Variants in RAD54L observed in about 807,000 individuals in gnomAD.
RAD54L encodes RAD54 like.
A neutral mutation model predicts 91.6 loss-of-function variants in RAD54L; 74 were observed. That is an observed-to-expected ratio of 0.81 (90% CI 0.67 to 0.98). The LOEUF (loss-of-function observed/expected upper bound fraction) is 0.98. Among genes scored for constraint, RAD54L ranks in the 50% least tolerant of loss-of-function variants. The pLI is 0.00. For synonymous variants in RAD54L, 304 were observed against 349.7 expected (o/e 0.87, Z 1.46); for missense variants, 887 against 945.7 (o/e 0.94, Z 0.81).
rs567430422 is a variant in RAD54L at position 46,264,504 on chromosome 1, C to G, written c.892-2955C>G. Among the ~76,000 whole-genome samples, 7 of 152,348 alleles carry G rather than the reference C, an allele frequency of 4.6e-5. No homozygotes were observed. In the South Asian group the frequency reaches 1.2e-3, roughly 27 times the overall value. The stretch of plus-strand genomic sequence containing the variant: ...CTGGCTTTGCCACTTACAAGCGTGA[C>G]TTTCCACAGATGAGACTGCTCTGAG... On this transcript the variant is annotated intron_variant, in intron 8 of 17. Transcript: ENST00000371975.
Position 46,248,293 on chromosome 1 carries a change from A to G in RAD54L, c.-113A>G. 2 of 1,358,976 alleles carry G rather than the reference A, an allele frequency of 1.5e-6. No individual in the cohort carries two copies. The highest frequency in any genetic ancestry group is 2.4e-5 in the South Asian group (2 of 82,244). 84.2% of individuals were successfully genotyped at this position (1,358,976 alleles called of 1,614,324 possible). On this transcript the variant is annotated 5_prime_UTR_variant, in exon 1 of 18. Transcript: ENST00000371975. ...CCCTCTTTAATTAGCCGGTCCTCTCAATAATGTAGCAGCCCCCTCTACAGA... is the reference window on the plus strand; with the variant it reads ...CCCTCTTTAATTAGCCGGTCCTCTCGATAATGTAGCAGCCCCCTCTACAGA...
At chr1:46,260,635 G>A (rs1483773320) in intron 6 of RAD54L, 24 bp downstream of exon 6, 2 of 1,613,968 alleles carry the variant, frequency 1.2e-6, no homozygotes, top group Non-Finnish European at 1.7e-6. Context: ...AGGGGAACGA[G>A]GTATGGGCTA....
Position 46,250,119 on chromosome 1 carries a change from T to G in RAD54L, c.210T>G (p.His70Gln). ...CACCTTGTCTGGACAGCAGTCAGCA[T>G]GTAAGCCAGAACTGCAACCTGCATG... ...NQPPCLDSSQ[H>Q]EAFIRSILSK... Residue 70 changes from histidine to glutamine, a missense_variant and splice_region_variant, in exon 3 of 18, where the codon CAT becomes CAG. Coordinates refer to ENST00000371975, the MANE Select transcript of RAD54L (RefSeq NM_003579.4). 1 of 1,614,162 alleles carries G rather than the reference T, an allele frequency of 6.2e-7. No homozygotes were observed. The highest frequency in any genetic ancestry group is 2.2e-5 in the East Asian group (1 of 44,886).
chr1:46,260,498 T>C, intron 5 of RAD54L, 44 bp from the exon 6 acceptor site: 1 of 1,584,682 alleles, frequency 6.3e-7, no homozygotes, highest in Non-Finnish European at 8.7e-7. Context: ...GGTGCTCCCT[T>C]GCCCATGTCT....
At position 46,267,461 on chromosome 1, in the gene RAD54L, A is replaced by T. The variant is rs60121285; in HGVS notation, c.894A>T (p.Gly298=). 6.2e-7 allele frequency: 1 copy of T among 1,614,006 alleles called. No individual in the cohort carries two copies. The highest frequency in any genetic ancestry group is 1.7e-5 in the Admixed American group (1 of 60,018). ...GSVGLVICDE[G]HRLKNSENQT... is the part of the protein sequence containing the mutation. ...TCTGAATAAGGATTCTCTTGCAGGG[A>T]CACAGGCTCAAGAACTCTGAGAATC... Residue 298 remains glycine (G), a splice_region_variant and synonymous_variant, in exon 9 of 18, where the codon GGA becomes GGT. Transcript: ENST00000371975.
chr1:46,261,080 C>G, intron 7 of RAD54L, 65 bp downstream of exon 7: 2 of 1,581,222 alleles, frequency 1.3e-6, no homozygotes, highest in Non-Finnish European at 1.7e-6. Context: ...TACGTGTATG[C>G]TCATTTATGG....
chr1:46,273,228 T>C lies in RAD54L; in HGVS notation c.1376-127T>C, dbSNP rs57235868. ...TATATCCTGTTGGAATTTGGTAGGA[T>C]GAAGATCAAGCAAGTCTGATGTTGA... On this transcript the variant is annotated intron_variant, in intron 12 of 17. Transcript: ENST00000371975. The C allele has an allele frequency of 4.2e-3, 3,526 of 837,870 alleles. 50 individuals carry two copies. The highest frequency in any genetic ancestry group is 0.024 in the African/African-American group (1,445 of 60,370). The allele number at this position is 837,870 out of a possible 1,614,324, so 51.9% of individuals were successfully genotyped here. A position where few individuals can be genotyped will look rare whatever the true frequency, so the allele number is the denominator to read the frequency against.
At chr1:46,262,453 C>T (rs1479827088) in intron 8 of RAD54L, among the ~76,000 whole-genome samples, 1 of 152,028 alleles carries the variant, frequency 6.6e-6, no homozygotes, top group East Asian at 1.9e-4. Flanking sequence ...CACAGACACA[C>T]ATGACCCTTT....
chr1:46,274,092 CT>C (rs1320540608), intron 14 of RAD54L, 45 bp from the exon 15 acceptor site: 7 of 1,541,430 alleles, frequency 4.5e-6, no homozygotes, highest in South Asian at 3.4e-5. Context: ...TTTTTTCCCC[CT>C]AATCATTGAA....
intron 12 of RAD54L, among the ~76,000 whole-genome samples, chr1:46,273,043 G>A (rs542998079): frequency 6.6e-6 from 1 of 152,162 alleles, no homozygotes; most frequent in African/African-American, 2.4e-5. Flanking sequence ...GGGATGTGTC[G>A]ACTGTTTGTG....
intron 3 of RAD54L, among the ~76,000 whole-genome samples, chr1:46,254,580 T>C (rs1659889444): frequency 6.7e-6 from 1 of 149,810 alleles, no homozygotes; most frequent in Non-Finnish European, 1.5e-5. Context: ...TGGGGAGCAC[T>C]GACTTTTTTT....
Position 46,270,712 on chromosome 1 carries a change from G to A in RAD54L, c.1096G>A (p.Asp366Asn). The change falls in exon 10 of 18, where the codon GAC (aspartate) becomes AAC (asparagine). Residue 366 changes from aspartate to asparagine, a missense_variant. Coordinates refer to ENST00000371975, the MANE Select transcript of RAD54L (RefSeq NM_003579.4). ...HFELPILKGR[D>N]AAASEADRQL... Reference sequence around the variant, plus strand: ...TGAATTGCCAATTTTGAAGGGTCGAGACGCTGCTGCTAGTGAGGCAGACAG... The same window carrying A: ...TGAATTGCCAATTTTGAAGGGTCGAAACGCTGCTGCTAGTGAGGCAGACAG... 6.2e-7 allele frequency: 1 copy of A among 1,614,236 alleles called. No homozygotes were observed. Among genetic ancestry groups the A allele is most frequent in the African/African-American group, 1.3e-5 (1 of 75,064 alleles).
chr1:46,267,015 C>G (rs948598944), intron 8 of RAD54L, among the ~76,000 whole-genome samples: 1 of 152,150 alleles, frequency 6.6e-6, no homozygotes, highest in Non-Finnish European at 1.5e-5. Flanking sequence ...GGCCCTAGAA[C>G]CTGTAATGTT....
chr1:46,259,844 T>G (rs1569578617), intron 4 of RAD54L, 120 bp from the exon 5 acceptor site: 2 of 1,340,408 alleles, frequency 1.5e-6, no homozygotes, highest in East Asian at 4.6e-5. Flanking sequence ...GGAGGCATTC[T>G]CAGAGAGAGA....
intron 9 of RAD54L, among the ~76,000 whole-genome samples, chr1:46,269,539 C>G (rs1315762453): frequency 6.6e-6 from 1 of 152,108 alleles, no homozygotes; most frequent in Middle Eastern, 3.4e-3. Context: ...AACTCTTGAG[C>G]TCAAGCAATC....
intron 4 of RAD54L, 93 bp from the exon 5 acceptor site, chr1:46,259,871 C>T (rs185689997): frequency 2.0e-5 from 31 of 1,555,752 alleles, no homozygotes; most frequent in African/African-American, 9.5e-5. Context: ...TATGGGAGCT[C>T]GGGAAAGGTT....
chr1:46,256,303 T>C lies in RAD54L; in HGVS notation c.211-2383T>C, dbSNP rs181545802. Among the ~76,000 whole-genome samples the C allele has an allele frequency of 6.7e-4, 102 of 152,204 alleles. 1 individual carries two copies. Among genetic ancestry groups the C allele is most frequent in the Non-Finnish European group, 1.1e-3 (73 of 67,998 alleles). On this transcript the variant is annotated intron_variant, in intron 3 of 17. Coordinates refer to ENST00000371975, the MANE Select transcript of RAD54L (RefSeq NM_003579.4). ...TACGTTGCCTAGGGTGGTCTCAAAA[T>C]CCTGGGCTTAAGCGGTCCTCCCACC...
intron 3 of RAD54L, among the ~76,000 whole-genome samples, 164 bp from the exon 4 acceptor site, chr1:46,258,522 T>C (rs1471071834): frequency 6.6e-6 from 1 of 152,196 alleles, no homozygotes; most frequent in Non-Finnish European, 1.5e-5. Context: ...AGCCTCGTGG[T>C]TGACTGAGGC....
Position 46,267,522 on chromosome 1 carries a change from C to T in RAD54L, c.955C>T (p.Arg319Trp), listed in dbSNP as rs142375065. Residue 319 changes from arginine to tryptophan, a missense_variant, in exon 9 of 18, where the codon CGG (arginine) becomes TGG (tryptophan). Physicochemically the swap from Arg to Trp is moderately radical, Grantham distance 101. Transcript: ENST00000371975. ...YQALDSLNTS[R>W]RVLISGTPIQ... ...AGCCCTGGACAGCTTGAACACCAGCCGGCGGGTGCTCATCTCCGGAACTCC... is the reference window on the plus strand; with the variant it reads ...AGCCCTGGACAGCTTGAACACCAGCTGGCGGGTGCTCATCTCCGGAACTCC... 172 of 1,614,052 alleles carry T rather than the reference C, an allele frequency of 1.1e-4. No homozygotes were observed. The highest frequency in any genetic ancestry group is 5.9e-4 in the African/African-American group (44 of 75,018).
Sources: gnomAD v4.1 joint callset for allele counts (sites outside exome capture counted in the v4.1 genomes callset) on GRCh38, gnomAD v4.1.1 for gene constraint, MANE v1.5 for transcripts, NCBI Gene and HGNC (gene_info 2026-07-23, HGNC 2026-07-21) for gene names.